Variants in ENOPH1 observed in about 807,000 individuals in gnomAD.
The protein encoded by ENOPH1 is enolase-phosphatase E1.
In ENOPH1, 14 loss-of-function variants were observed where a neutral mutation model predicts 31.1. That is an observed-to-expected ratio of 0.45 (90% CI 0.30 to 0.70). The LOEUF is 0.70. Ranked by LOEUF, ENOPH1 falls within the 30% of genes least tolerant of loss-of-function variation. The pLI, the probability that ENOPH1 is intolerant of heterozygous loss-of-function variation, is 0.09. For missense variants in ENOPH1, 243 were observed against 321.5 expected (o/e 0.76, Z 1.87); for synonymous variants, 127 against 123.2 (o/e 1.03, Z -0.21).
At chr4:82,459,286 CTTCT>C (rs1722579435) in intron 5 of ENOPH1, among the ~76,000 whole-genome samples, 1 of 151,884 alleles carries the variant, frequency 6.6e-6, no homozygotes, top group South Asian at 2.1e-4. Context: ...GTCCCATTAT[CTTCT>C]TTGTGTTTTT....
At chr4:82,448,089 G>A in intron 2 of ENOPH1, 68 bp downstream of exon 2, 3 of 1,101,420 alleles carry the variant, frequency 2.7e-6, no homozygotes, top group Non-Finnish European at 4.0e-6. Flanking sequence ...TTTAGGACAT[G>A]CTCTGAGCAT....
intron 5 of ENOPH1, among the ~76,000 whole-genome samples, chr4:82,459,561 G>A (rs79650913): frequency 2.1e-4 from 32 of 152,112 alleles, no homozygotes; most frequent in African/African-American, 6.7e-4. Context: ...TGGGTCCACC[G>A]TGCCCAGCCC....
chr4:82,450,883 G>T (rs921678389), intron 2 of ENOPH1, among the ~76,000 whole-genome samples, 160 bp from the exon 3 acceptor site: 1 of 152,152 alleles, frequency 6.6e-6, no homozygotes, highest in Non-Finnish European at 1.5e-5. Context: ...GTTCTTTTAG[G>T]AATCATTTGT....
At chr4:82,437,328 A>G (rs1224356355) in intron 1 of ENOPH1, among the ~76,000 whole-genome samples, 1 of 152,204 alleles carries the variant, frequency 6.6e-6, no homozygotes, top group Non-Finnish European at 1.5e-5. Flanking sequence ...TTACATAAAT[A>G]GGTCGCCTTT....
Position 82,460,041 on chromosome 4 carries a change from C to T in ENOPH1, c.707C>T (p.Ala236Val), listed in dbSNP as rs367736747. The T allele has an allele frequency of 4.0e-5, 64 of 1,614,040 alleles. No homozygotes were observed. The highest frequency in any genetic ancestry group is 5.0e-5 in the Non-Finnish European group (59 of 1,180,026). ...HVAVVVRPGN[A>V]GLTDDEKTYY... ...GCTGTGGTGGTGAGACCAGGCAACG[C>T]AGGATTAACAGATGATGAGAAGACT... Residue 236 changes from alanine to valine, a missense_variant, in exon 6 of 6, where the codon GCA (alanine) becomes GTA (valine). Transcript: ENST00000273920.
Position 82,448,031 on chromosome 4 carries a change from T to C in ENOPH1, c.186+10T>C. 1 of 1,584,594 alleles carries C rather than the reference T, an allele frequency of 6.3e-7. No individual in the cohort carries two copies. The highest frequency in any genetic ancestry group is 8.7e-7 in the Non-Finnish European group (1 of 1,155,682). On this transcript the variant is annotated intron_variant, in intron 2 of 5. Transcript: ENST00000273920. ...TCTTTTGAGGAAACAGGTTGGGACA[T>C]TTCTGTCTTAAATTCCCAAGTGTCT... is the stretch of plus-strand genomic sequence containing the variant.
At chr4:82,434,444 G>T (rs936645549) in intron 1 of ENOPH1, among the ~76,000 whole-genome samples, 3 of 151,992 alleles carry the variant, frequency 2.0e-5, no homozygotes, top group Non-Finnish European at 2.9e-5. Flanking sequence ...AGTAGGCCAG[G>T]CATGGTGGCT....
chr4:82,451,008 C>CA, intron 2 of ENOPH1, 35 bp from the exon 3 acceptor site: 2 of 1,580,414 alleles, frequency 1.3e-6, no homozygotes, highest in Non-Finnish European at 8.7e-7. Flanking sequence ...TTTGAATAAG[C>CA]AAAAAACAAA....
At chr4:82,455,596 T>A (rs564626365) in intron 4 of ENOPH1, among the ~76,000 whole-genome samples, 1 of 150,036 alleles carries the variant, frequency 6.7e-6, no homozygotes, top group African/African-American at 2.5e-5. Context: ...CTGGCTAACA[T>A]GGTGAAACCC....
chr4:82,455,912 C>T lies in ENOPH1; in HGVS notation c.523-1003C>T, dbSNP rs533661663. On this transcript the variant is annotated intron_variant, in intron 4 of 5. Coordinates refer to ENST00000273920, the MANE Select transcript of ENOPH1 (RefSeq NM_021204.5). ...TTTTAAAATAAATATGTATTGAGCACCTACCATGTGCAAAGAACACTTTGG... is the reference window on the plus strand; with the variant it reads ...TTTTAAAATAAATATGTATTGAGCATCTACCATGTGCAAAGAACACTTTGG... Among the ~76,000 whole-genome samples the T allele has an allele frequency of 1.2e-4, 19 of 152,236 alleles. 1 individual carries two copies. Among genetic ancestry groups the T allele is most frequent in the South Asian group, 1.2e-3 (6 of 4,822 alleles).
intron 3 of ENOPH1, among the ~76,000 whole-genome samples, chr4:82,454,300 C>T (rs1433067176): frequency 6.6e-6 from 1 of 152,188 alleles, no homozygotes; most frequent in African/African-American, 2.4e-5. Context: ...GGGTGCAGAT[C>T]TTTCTAAAAG....
intron 1 of ENOPH1, among the ~76,000 whole-genome samples, chr4:82,446,529 A>G (rs1000394374): frequency 1.1e-4 from 16 of 152,162 alleles, no homozygotes; most frequent in Admixed American, 2.6e-4. Flanking sequence ...GCAAATGAGA[A>G]AACTGTGGCT....
chr4:82,452,976 G>A (rs1027443658), intron 3 of ENOPH1, among the ~76,000 whole-genome samples: 7 of 144,790 alleles, frequency 4.8e-5, no homozygotes, highest in East Asian at 2.1e-4. Context: ...ATCTCAGCTC[G>A]CTGCAAGCTC....
chr4:82,447,817 T>C (rs887899303), intron 1 of ENOPH1, 103 bp from the exon 2 acceptor site: 5 of 583,256 alleles, frequency 8.6e-6, no homozygotes, highest in Admixed American at 7.5e-5. Context: ...TAGAGTTCCA[T>C]TGATTTATTT....
At chr4:82,450,320 G>A (rs369822212) in intron 2 of ENOPH1, among the ~76,000 whole-genome samples, 20 of 152,282 alleles carry the variant, frequency 1.3e-4, no homozygotes, top group African/African-American at 4.8e-4. Flanking sequence ...ATAACAAAAT[G>A]ATGTTGAAGG....
At chr4:82,459,898 C>A in intron 5 of ENOPH1, 83 bp from the exon 6 acceptor site, 2 of 1,496,680 alleles carry the variant, frequency 1.3e-6, no homozygotes, top group South Asian at 1.2e-5. Flanking sequence ...TCCATCCCCA[C>A]ATCCCCCTGC....
chr4:82,438,245 A>G (rs1721957932), intron 1 of ENOPH1, among the ~76,000 whole-genome samples: 2 of 152,210 alleles, frequency 1.3e-5, no homozygotes, highest in East Asian at 1.9e-4. Context: ...AAGCCCTGAT[A>G]TGCTCCTGCC....
chr4:82,449,735 A>C (rs1722298246), intron 2 of ENOPH1, among the ~76,000 whole-genome samples: 1 of 152,264 alleles, frequency 6.6e-6, no homozygotes, highest in East Asian at 1.9e-4. Flanking sequence ...TCCATATGAC[A>C]GTACTTCATC....
chr4:82,452,860 T>C (rs1722385329), intron 3 of ENOPH1, among the ~76,000 whole-genome samples: 1 of 152,008 alleles, frequency 6.6e-6, no homozygotes. Flanking sequence ...AGTGCTAGGA[T>C]TACAGGCGTG....
Sources: allele counts gnomAD v4.1 joint callset (sites outside exome capture counted in the v4.1 genomes callset), GRCh38; gene constraint gnomAD v4.1.1; transcripts MANE v1.5; gene names NCBI Gene and HGNC (gene_info 2026-07-23, HGNC 2026-07-21).